Variants in RAPGEF1 observed in about 807,000 individuals in gnomAD.
The protein encoded by RAPGEF1 is Rap guanine nucleotide exchange factor 1.
RAPGEF1 carries 33 observed loss-of-function variants against 143.3 expected under a neutral mutation model. The observed-to-expected ratio is 0.23, with a 90% CI of 0.17 to 0.31. The LOEUF is 0.31. Among genes scored for constraint, RAPGEF1 ranks in the 10% least tolerant of loss-of-function variants. RAPGEF1 has a pLI of 1.00. For synonymous variants in RAPGEF1, 629 were observed against 676.5 expected (o/e 0.93, Z 1.09); for missense variants, 1,199 against 1,645.4 (o/e 0.73, Z 4.69).
At chr9:131,594,520 G>C (rs543967723) in intron 17 of RAPGEF1, among the ~76,000 whole-genome samples, 4 of 152,190 alleles carry the variant, frequency 2.6e-5, no homozygotes, top group Non-Finnish European at 5.9e-5. Flanking sequence ...TGGGCTCCAC[G>C]GGCCTGAGCC....
At chr9:131,737,509 C>A in intron 1 of RAPGEF1, 1 of 1,613,106 alleles carries the variant, frequency 6.2e-7, no homozygotes, top group Non-Finnish European at 8.5e-7. Context: ...CATCTACAAC[C>A]CCCTAGCAGA....
At chr9:131,645,934 G>A (rs973347011) in intron 3 of RAPGEF1, among the ~76,000 whole-genome samples, 3 of 152,194 alleles carry the variant, frequency 2.0e-5, no homozygotes, top group African/African-American at 7.2e-5. Flanking sequence ...CTAAAGAGGT[G>A]ACTGTGGGGG....
chr9:131,732,434 A>G (rs1163229474), intron 1 of RAPGEF1, among the ~76,000 whole-genome samples: 1 of 152,048 alleles, frequency 6.6e-6, no homozygotes, highest in East Asian at 1.9e-4. Context: ...AAGAACATGC[A>G]CTCAAGTGGA....
chr9:131,666,340 C>T (rs1160603514), intron 1 of RAPGEF1, among the ~76,000 whole-genome samples: 2 of 152,106 alleles, frequency 1.3e-5, no homozygotes, highest in East Asian at 3.8e-4. Context: ...TGGACCAGTA[C>T]TATCCAATAG....
chr9:131,675,327 G>A lies in RAPGEF1; in HGVS notation c.62-24378C>T, dbSNP rs1284982991. ...CTGACTCAGGGAGGGCAAGAGCCAGGGGCTGGGCGAGGCTGTGGAGGAGGG... is the reference window on the plus strand; with the variant it reads ...CTGACTCAGGGAGGGCAAGAGCCAGAGGCTGGGCGAGGCTGTGGAGGAGGG... On this transcript the variant is annotated intron_variant, in intron 1 of 26. Transcript: ENST00000683357. The surrounding 1 kb of genome is among the most constrained non-coding windows in gnomAD (Gnocchi z 4.6). 6.6e-6 allele frequency among the ~76,000 whole-genome samples: 1 copy of A among 152,164 alleles called. No individual in the cohort carries two copies. Among genetic ancestry groups the A allele is most frequent in the Non-Finnish European group, 1.5e-5 (1 of 68,030 alleles).
At chr9:131,674,928 T>G (rs1423425594) in intron 1 of RAPGEF1, among the ~76,000 whole-genome samples, 2 of 151,186 alleles carry the variant, frequency 1.3e-5, no homozygotes, top group Non-Finnish European at 2.9e-5. Flanking sequence ...GAGAGAGGGG[T>G]GGGGGTGGCC....
At chr9:131,602,959 C>T (rs984411650) in intron 14 of RAPGEF1, among the ~76,000 whole-genome samples, 5 of 152,200 alleles carry the variant, frequency 3.3e-5, no homozygotes, top group African/African-American at 7.2e-5. Context: ...GAGAGCCATG[C>T]GAAGCTGGCC....
chr9:131,592,773 C>G (rs1954557595), intron 17 of RAPGEF1, among the ~76,000 whole-genome samples: 1 of 152,178 alleles, frequency 6.6e-6, no homozygotes. Flanking sequence ...ATTTTCGAGA[C>G]AGGGTCTCAC....
At position 131,580,328 on chromosome 9, in the gene RAPGEF1, T is replaced by G; in HGVS notation, c.3576A>C (p.Lys1192Asn). The change falls in exon 26 of 27, where the codon AAA becomes AAC. Residue 1192 changes from lysine (K) to asparagine (N), a missense_variant. By Grantham distance (94) the Lys-to-Asn change is moderately conservative. Transcript: ENST00000683357. ...HLGNPDYIDG[K>N]VNFSKRWQQF... ...GCTGCCACCGCTTGGAGAAGTTCACTTTCCCGTCGATGTAGTCTGGGTTTC... is the reference window on the plus strand; with the variant it reads ...GCTGCCACCGCTTGGAGAAGTTCACGTTCCCGTCGATGTAGTCTGGGTTTC... 2.5e-6 allele frequency: 4 copies of G among 1,614,006 alleles called. No homozygotes were observed. Among genetic ancestry groups the G allele is most frequent in the Non-Finnish European group, 3.4e-6 (4 of 1,179,866 alleles).
At chr9:131,651,054 T>C in intron 1 of RAPGEF1, 105 bp from the exon 2 acceptor site, 2 of 1,366,636 alleles carry the variant, frequency 1.5e-6, no homozygotes, top group Non-Finnish European at 2.0e-6. Flanking sequence ...TCTTTTTTCT[T>C]GGCTGTTGAG....
chr9:131,637,804 C>T (rs1966770931), intron 5 of RAPGEF1, among the ~76,000 whole-genome samples: 1 of 152,184 alleles, frequency 6.6e-6, no homozygotes, highest in South Asian at 2.1e-4. Flanking sequence ...ATTATTATAC[C>T]TATTTCATAA....
At chr9:131,589,737 G>A in intron 19 of RAPGEF1, 149 bp downstream of exon 19, 2 of 694,850 alleles carry the variant, frequency 2.9e-6, no homozygotes, top group Non-Finnish European at 4.9e-6. Context: ...ATCTCACCCT[G>A]GTCTATCGGG....
chr9:131,618,976 T>A lies in RAPGEF1; in HGVS notation c.2061+75A>T, dbSNP rs569995968. On this transcript the variant is annotated intron_variant, in intron 12 of 26. Coordinates refer to ENST00000683357, the MANE Select transcript of RAPGEF1 (RefSeq NM_001377935.1). ...GGGCCGCGACGGGCAGCAGAACACA[T>A]GGCTGAGGCACACGCTTCCAAGGAA... The A allele has an allele frequency of 3.8e-4, 475 of 1,248,536 alleles. 5 individuals are homozygous for A. The South Asian group carries it at 5.0e-3, about 13-fold the overall frequency. 77.3% of individuals were successfully genotyped at this position (1,248,536 alleles called of 1,614,324 possible).
chr9:131,729,727 A>G (rs921791795), intron 1 of RAPGEF1, among the ~76,000 whole-genome samples: 1 of 152,254 alleles, frequency 6.6e-6, no homozygotes, highest in Non-Finnish European at 1.5e-5. Flanking sequence ...TCAACTGTCA[A>G]ATGGGCACAA....
In RAPGEF1 at chr9:131,628,147, C is replaced by T; in HGVS notation, c.1018-51G>A. On this transcript the variant is annotated intron_variant, in intron 8 of 26. Coordinates refer to ENST00000683357, the MANE Select transcript of RAPGEF1 (RefSeq NM_001377935.1). This position sits in a 1 kb window ranked among gnomAD's most constrained non-coding sequence, Gnocchi z 5.7. The stretch of plus-strand genomic sequence containing the variant: ...CCAAATCACTTCTGAGAAACGGTGG[C>T]ACAGACCAGGGGTGAGGCAACCGGT... 5 of 1,460,086 alleles carry T rather than the reference C, an allele frequency of 3.4e-6. No homozygotes were observed. The highest frequency in any genetic ancestry group is 4.5e-6 in the Non-Finnish European group (5 of 1,099,354). The allele number at this position is 1,460,086 out of a possible 1,614,324, so 90.4% of individuals were successfully genotyped here.
chr9:131,586,828 A>T (rs1176842412), intron 22 of RAPGEF1, among the ~76,000 whole-genome samples: 1 of 110,460 alleles, frequency 9.1e-6, no homozygotes, highest in Non-Finnish European at 1.9e-5. Context: ...CTGCAGAGCG[A>T]GACTCCGTCT....
chr9:131,631,066 C>T (rs189168250), intron 5 of RAPGEF1, among the ~76,000 whole-genome samples: 9 of 152,240 alleles, frequency 5.9e-5, no homozygotes, highest in Non-Finnish European at 1.2e-4. Context: ...TCCAGCCAAT[C>T]TGCCCCGCCC....
chr9:131,653,095 C>T (rs978356327), intron 1 of RAPGEF1, among the ~76,000 whole-genome samples: 1 of 152,196 alleles, frequency 6.6e-6, no homozygotes, highest in Admixed American at 6.5e-5. Flanking sequence ...ATTTAAAAAT[C>T]ATATGCAGCC....
chr9:131,696,559 C>T (rs1485155170), intron 1 of RAPGEF1, among the ~76,000 whole-genome samples: 1 of 152,212 alleles, frequency 6.6e-6, no homozygotes. Context: ...TCTCTTTATG[C>T]TCGGACTTTA....
Sources: allele counts gnomAD v4.1 joint callset (sites outside exome capture counted in the v4.1 genomes callset), GRCh38; gene constraint gnomAD v4.1.1; non-coding constraint Gnocchi (gnomAD v3.1); transcripts MANE v1.5; gene names NCBI Gene and HGNC (gene_info 2026-07-23, HGNC 2026-07-21).